The following NEK11 variants were observed in gnomAD, a reference collection of about 807,000 sequenced individuals.
NEK11 encodes the protein serine/threonine-protein kinase Nek11.
Under a neutral mutation model 80.7 loss-of-function variants are expected in NEK11, and 72 were observed. The ratio of observed to expected loss-of-function variants is 0.89; its 90% CI spans 0.74 to 1.08. NEK11 has a LOEUF of 1.08. Among genes scored for constraint, NEK11 ranks in the 50% least tolerant of loss-of-function variants. The pLI is 0.00. For synonymous variants in NEK11, 251 were observed against 260.7 expected (o/e 0.96, Z 0.36); for missense variants, 764 against 763.6 (o/e 1.00, Z -0.01).
chr3:131,189,378 C>G (rs760772063), intron 14 of NEK11, among the ~76,000 whole-genome samples: 5 of 152,170 alleles, frequency 3.3e-5, no homozygotes, highest in Non-Finnish European at 7.3e-5. Flanking sequence ...TTATTTATTA[C>G]CATTCTGGAG....
intron 7 of NEK11, among the ~76,000 whole-genome samples, chr3:131,138,925 G>T (rs999368095): frequency 1.3e-5 from 2 of 152,074 alleles, no homozygotes; most frequent in Non-Finnish European, 2.9e-5. Flanking sequence ...AACAAGCCCA[G>T]ATGGTGAATA....
intron 14 of NEK11, among the ~76,000 whole-genome samples, chr3:131,208,704 G>T (rs2094517617): frequency 6.6e-6 from 1 of 152,104 alleles, no homozygotes; most frequent in African/African-American, 2.4e-5. Context: ...GGATTCCTAG[G>T]TATTTTATTC....
chr3:131,118,174 T>C (rs1236036204), intron 5 of NEK11, among the ~76,000 whole-genome samples: 2 of 152,240 alleles, frequency 1.3e-5, no homozygotes, highest in African/African-American at 4.8e-5. Flanking sequence ...TTGAGAGTTT[T>C]GGGTATGAAG....
At chr3:131,333,569 A>G (rs976781999) in intron 17 of NEK11, among the ~76,000 whole-genome samples, 7 of 152,206 alleles carry the variant, frequency 4.6e-5, no homozygotes, top group Non-Finnish European at 8.8e-5. Context: ...CTAACGAGCA[A>G]AATCACCAGC....
chr3:131,115,921 TCTTTCTTTC>T (rs1420808273), intron 5 of NEK11, among the ~76,000 whole-genome samples: 6 of 97,820 alleles, frequency 6.1e-5, no homozygotes, highest in African/African-American at 2.4e-4. Context: ...TTTCTTTCTT[TCTTTCTTTC>T]TTTCTTTCTT....
intron 16 of NEK11, among the ~76,000 whole-genome samples, chr3:131,255,896 A>G (rs9867591): frequency 0.41 from 61,873 of 152,074 alleles, 15,581 homozygotes; most frequent in Non-Finnish European, 0.54. Context: ...GCTGTAACCA[A>G]TAAAGCTGGT....
intron 15 of NEK11, among the ~76,000 whole-genome samples, chr3:131,230,017 A>G (rs2095299076): frequency 6.6e-6 from 1 of 152,176 alleles, no homozygotes; most frequent in Admixed American, 6.5e-5. Context: ...AGCCACTGTC[A>G]TAAACAACTG....
chr3:131,145,500 G>A (rs1050928616), intron 7 of NEK11, among the ~76,000 whole-genome samples: 8 of 152,026 alleles, frequency 5.3e-5, no homozygotes, highest in Non-Finnish European at 7.4e-5. Context: ...TATATTTGCC[G>A]TGGTGTGACG....
At chr3:131,290,856 C>T (rs1359563384) in intron 17 of NEK11, among the ~76,000 whole-genome samples, 1 of 152,010 alleles carries the variant, frequency 6.6e-6, no homozygotes, top group Admixed American at 6.6e-5. Context: ...TATCTCCTGC[C>T]CCCACACATG....
chr3:131,294,384 G>A (rs556208549), intron 17 of NEK11, among the ~76,000 whole-genome samples: 1 of 151,918 alleles, frequency 6.6e-6, no homozygotes, highest in South Asian at 2.1e-4. Flanking sequence ...TAGTTATTCT[G>A]TTATTGATTT....
intron 17 of NEK11, among the ~76,000 whole-genome samples, chr3:131,299,007 A>AT (rs1275284690): frequency 6.9e-6 from 1 of 145,490 alleles, no homozygotes; most frequent in Admixed American, 6.9e-5. Flanking sequence ...AAGCTCAGAG[A>AT]TTTTTTCCTC....
At chr3:131,059,158 AAT>A (rs1341669654) in intron 3 of NEK11, among the ~76,000 whole-genome samples, 6 of 152,180 alleles carry the variant, frequency 3.9e-5, no homozygotes, top group Admixed American at 3.3e-4. Context: ...TTCCCCTGAA[AAT>A]ATGTTTTAGC....
rs537777718 is a variant in NEK11 at position 131,113,846 on chromosome 3, G to A, written c.455+3925G>A. Among the ~76,000 whole-genome samples, 46 of 150,734 alleles carry A rather than the reference G, an allele frequency of 3.1e-4. No individual in the cohort carries two copies. The East Asian group carries it at 6.6e-3, about 22-fold the overall frequency. On this transcript the variant is annotated intron_variant, in intron 5 of 17. Transcript: ENST00000383366. ...GAATGGCTTGAACCTGGGAGGTGGA[G>A]GTTGCAGTGAGCCGAGATTGCACCA... is the stretch of plus-strand genomic sequence containing the variant.
chr3:131,272,889 C>T (rs2096224940), intron 16 of NEK11, among the ~76,000 whole-genome samples: 1 of 152,144 alleles, frequency 6.6e-6, no homozygotes, highest in South Asian at 2.1e-4. Context: ...AAAACTGTAG[C>T]TCTCTCAGCA....
chr3:131,075,553 T>C lies in NEK11; in HGVS notation c.171-4870T>C, dbSNP rs369655751. Among the ~76,000 whole-genome samples, 778 of 152,326 alleles carry C rather than the reference T, an allele frequency of 5.1e-3. 5 individuals are homozygous for C. Among genetic ancestry groups the C allele is most frequent in the Non-Finnish European group, 8.6e-3 (585 of 68,030 alleles). ...CATGCCCCTTTACTTTTAAAAGTTA[T>C]ATATCATATTAAAAGAGATGAAATA... On this transcript the variant is annotated intron_variant, in intron 3 of 17. Coordinates refer to ENST00000383366, the MANE Select transcript of NEK11 (RefSeq NM_024800.5).
At position 131,179,471 on chromosome 3, in the gene NEK11, G is replaced by A. The variant is rs1010497704; in HGVS notation, c.1399+8584G>A. Among the ~76,000 whole-genome samples the A allele has an allele frequency of 2.6e-5, 4 of 152,176 alleles. No individual in the cohort carries two copies. The South Asian group carries it at 8.3e-4, about 31-fold the overall frequency. On this transcript the variant is annotated intron_variant, in intron 14 of 17. Coordinates refer to ENST00000383366, the MANE Select transcript of NEK11 (RefSeq NM_024800.5). The stretch of plus-strand genomic sequence containing the variant: ...AAGGACACTTAGTCTGTATGCATGT[G>A]AGGAGTTTAAATAATTGTATTTCAT...
chr3:131,258,194 G>T (rs1208340832), intron 16 of NEK11, among the ~76,000 whole-genome samples: 6 of 152,024 alleles, frequency 3.9e-5, no homozygotes, highest in African/African-American at 7.2e-5. Context: ...AGGAATAAAA[G>T]ACTACACATG....
At chr3:131,335,517 A>C (rs2110184935) in intron 17 of NEK11, among the ~76,000 whole-genome samples, 1 of 152,346 alleles carries the variant, frequency 6.6e-6, no homozygotes, top group African/African-American at 2.4e-5. Context: ...TATCATACTG[A>C]ATGGGCAAAA....
intron 11 of NEK11, among the ~76,000 whole-genome samples, chr3:131,164,534 A>G (rs1013976497): frequency 2.0e-5 from 3 of 152,238 alleles, no homozygotes; most frequent in African/African-American, 7.2e-5. Flanking sequence ...GGGTAAAAGG[A>G]AAATTAAATC....
Sources: allele counts gnomAD v4.1 joint callset (sites outside exome capture counted in the v4.1 genomes callset), GRCh38; gene constraint gnomAD v4.1.1; transcripts MANE v1.5; gene names NCBI Gene and HGNC (gene_info 2026-07-23, HGNC 2026-07-21).